The following FRMPD1 variants were observed in gnomAD, a reference collection of about 807,000 sequenced individuals.
The protein encoded by FRMPD1 is FERM and PDZ domain containing 1, also known as FERM and PDZ domain-containing protein 1.
FRMPD1 carries 76 observed loss-of-function variants against 117.8 expected under a neutral mutation model. The observed-to-expected ratio is 0.65, with a 90% CI of 0.54 to 0.78. The LOEUF (loss-of-function observed/expected upper bound fraction) is 0.78, where lower values mean the gene tolerates loss of function less well. FRMPD1 is among the 30% of genes least tolerant of loss of function. FRMPD1 has a pLI of 0.00. For missense variants in FRMPD1, 1,786 were observed against 1,964.5 expected, an observed-to-expected ratio of 0.91 and a Z score of 1.72; for synonymous variants, 783 against 770.4, an observed-to-expected ratio of 1.02 and a Z score of -0.27.
chr9:37,723,820 C>T (rs1004410164), intron 6 of FRMPD1, among the ~76,000 whole-genome samples: 6 of 151,722 alleles, frequency 4.0e-5, no homozygotes, highest in Non-Finnish European at 7.4e-5. Flanking sequence ...TGGTGAAACC[C>T]CATCTCTACT....
chr9:37,740,711 C>G lies in FRMPD1; in HGVS notation c.2183C>G (p.Ser728Cys). 1 of 1,614,108 alleles carries G rather than the reference C, an allele frequency of 6.2e-7. No individual in the cohort carries two copies. Among genetic ancestry groups the G allele is most frequent in the Non-Finnish European group, 8.5e-7 (1 of 1,179,982 alleles). The change falls in exon 15 of 16, where the codon TCC becomes TGC. Residue 728 changes from serine to cysteine, a missense_variant. By Grantham distance (112) the Ser-to-Cys change is moderately radical. Transcript: ENST00000377765. The surrounding 1 kb of genome is among the most constrained non-coding windows in gnomAD (Gnocchi z 4.2). ...YLSDSSESTA[S>C]RQGGAPPAWG... Reference sequence around the variant, plus strand: ...AGTGACAGTTCCGAGAGTACAGCTTCCCGGCAAGGGGGAGCCCCGCCAGCC... The same window carrying G: ...AGTGACAGTTCCGAGAGTACAGCTTGCCGGCAAGGGGGAGCCCCGCCAGCC...
intron 1 of FRMPD1, among the ~76,000 whole-genome samples, chr9:37,671,001 A>G (rs559036528): frequency 1.3e-5 from 2 of 152,364 alleles, no homozygotes; most frequent in African/African-American, 4.8e-5. Context: ...ATGGCTTTAT[A>G]GGAAACTTCC....
At chr9:37,669,262 C>T (rs543462959) in intron 1 of FRMPD1, among the ~76,000 whole-genome samples, 1 of 152,354 alleles carries the variant, frequency 6.6e-6, no homozygotes, top group African/African-American at 2.4e-5. Context: ...CCATATACCA[C>T]AGCTGATCCC....
chr9:37,607,852 CT>C, the FRMPD1 span, among the ~76,000 whole-genome samples: 1 of 150,008 alleles, frequency 6.7e-6, no homozygotes, highest in Admixed American at 6.6e-5. Context: ...ACCATACCAG[CT>C]CTTGTTTCTA....
chr9:37,712,166 G>A (rs1822930713), intron 5 of FRMPD1, among the ~76,000 whole-genome samples: 1 of 152,030 alleles, frequency 6.6e-6, no homozygotes, highest in Non-Finnish European at 1.5e-5. Flanking sequence ...TTCCCCAAAT[G>A]AAAAACTGTG....
chr9:37,732,642 C>T (rs566406910), intron 10 of FRMPD1, among the ~76,000 whole-genome samples: 1 of 152,360 alleles, frequency 6.6e-6, no homozygotes, highest in East Asian at 1.9e-4. Context: ...GGACAGAAGC[C>T]AACTCCAGAT....
At chr9:37,691,894 G>A (rs1404772389) in intron 1 of FRMPD1, among the ~76,000 whole-genome samples, 2 of 152,090 alleles carry the variant, frequency 1.3e-5, no homozygotes, top group Admixed American at 6.5e-5. Context: ...GTGACAGAGC[G>A]AGACTCCATC....
the FRMPD1 span, among the ~76,000 whole-genome samples, chr9:37,610,394 G>T: frequency 6.6e-6 from 1 of 152,138 alleles, no homozygotes; most frequent in African/African-American, 2.4e-5. Context: ...CTGAATAAAT[G>T]AGGAAAGTGA....
chr9:37,691,098 G>A (rs903087914), intron 1 of FRMPD1, among the ~76,000 whole-genome samples: 1 of 152,218 alleles, frequency 6.6e-6, no homozygotes, highest in Non-Finnish European at 1.5e-5. Context: ...CTCGCTGACA[G>A]TATTCAGAGA....
chr9:37,700,888 A>G (rs945344458), intron 2 of FRMPD1, among the ~76,000 whole-genome samples: 7 of 152,184 alleles, frequency 4.6e-5, no homozygotes, highest in Admixed American at 1.3e-4. Flanking sequence ...ATGTTTTGAG[A>G]TCAGTGCTTA....
At chr9:37,634,731 G>A in the FRMPD1 span, among the ~76,000 whole-genome samples, 1 of 151,878 alleles carries the variant, frequency 6.6e-6, no homozygotes, top group East Asian at 1.9e-4. Context: ...AAGATACATG[G>A]AAGGTAAAAT....
chr9:37,711,927 G>A lies in FRMPD1; in HGVS notation c.408+532G>A, dbSNP rs191997287. Among the ~76,000 whole-genome samples, 479 of 152,208 alleles carry A rather than the reference G, an allele frequency of 3.1e-3. 4 individuals are homozygous for A. The highest frequency in any genetic ancestry group is 0.011 in the African/African-American group (462 of 41,532). ...CACCACAGGCCGAGGAGCTCCTTAT[G>A]TATTATTTAGGGAAAGTATATAATC... On this transcript the variant is annotated intron_variant, in intron 5 of 15. Transcript: ENST00000377765.
chr9:37,724,760 C>T (rs1823550367), intron 7 of FRMPD1, among the ~76,000 whole-genome samples: 1 of 152,168 alleles, frequency 6.6e-6, no homozygotes, highest in African/African-American at 2.4e-5. Flanking sequence ...CAAGTTTCCC[C>T]ATATGAGATG....
intron 15 of FRMPD1, among the ~76,000 whole-genome samples, chr9:37,742,433 A>G (rs1244725986): frequency 1.3e-5 from 2 of 152,146 alleles, no homozygotes; most frequent in Non-Finnish European, 2.9e-5. Flanking sequence ...TGTAGTGCTG[A>G]GAAAAGAGCC....
At chr9:37,693,007 CAT>C (rs989858041) in intron 2 of FRMPD1, 10 of 536,202 alleles carry the variant, frequency 1.9e-5, no homozygotes, top group East Asian at 6.4e-5. Context: ...GACACACAGA[CAT>C]ACACACAGAA....
intron 1 of FRMPD1, among the ~76,000 whole-genome samples, chr9:37,667,638 C>G (rs777060884): frequency 6.6e-6 from 1 of 150,756 alleles, no homozygotes; most frequent in Non-Finnish European, 1.5e-5. Context: ...GAGACGAGAT[C>G]GTGCCACTGC....
intron 1 of FRMPD1, among the ~76,000 whole-genome samples, chr9:37,688,627 G>A (rs10973488): frequency 0.2 from 29,937 of 151,882 alleles, 3,276 homozygotes; most frequent in Non-Finnish European, 0.25. Context: ...ATAATAGTGA[G>A]AAATTGGAAA....
the FRMPD1 span, among the ~76,000 whole-genome samples, chr9:37,640,460 C>A: frequency 2.3e-4 from 35 of 152,276 alleles, no homozygotes; most frequent in Admixed American, 7.9e-4. Flanking sequence ...TGACAAAGTA[C>A]CATATGCTCT....
At chr9:37,702,135 A>C (rs1356709497) in intron 2 of FRMPD1, among the ~76,000 whole-genome samples, 1 of 152,218 alleles carries the variant, frequency 6.6e-6, no homozygotes, top group African/African-American at 2.4e-5. Flanking sequence ...AAAATGACAA[A>C]GTTTCATCTC....
Sources: gnomAD v4.1 joint callset for allele counts (sites outside exome capture counted in the v4.1 genomes callset) on GRCh38, gnomAD v4.1.1 for gene constraint, Gnocchi (gnomAD v3.1) non-coding constraint, MANE v1.5 for transcripts, NCBI Gene and HGNC (gene_info 2026-07-23, HGNC 2026-07-21) for gene names.